The following DDX11 variants were observed in gnomAD, a reference collection of about 807,000 sequenced individuals.
The protein encoded by DDX11 is DEAD/H-box helicase 11.
Under a neutral mutation model 125.2 loss-of-function variants are expected in DDX11, and 72 were observed. That is an observed-to-expected ratio of 0.58 (90% CI 0.48 to 0.70). The LOEUF (loss-of-function observed/expected upper bound fraction) is 0.70, where lower values mean the gene tolerates loss of function less well. Ranked by LOEUF, DDX11 falls within the 30% of genes least tolerant of loss-of-function variation. The pLI is 0.00. For missense variants in DDX11, 883 were observed against 1,165.0 expected (o/e 0.76, Z 3.52); for synonymous variants, 347 against 452.6 (o/e 0.77, Z 2.96).
chr12:31,103,048 G>A, intron 24 of DDX11, 28 bp downstream of exon 24: 1 of 1,611,350 alleles, frequency 6.2e-7, no homozygotes, highest in Non-Finnish European at 8.5e-7. Context: ...CACAGAGGGT[G>A]ACAGGAGAGT....
rs1242544085 is a variant in DDX11, at chr12:31,103,379, C to T, written c.2520C>T (p.Ala840=). 10 of 1,609,680 alleles carry T rather than the reference C, an allele frequency of 6.2e-6. No homozygotes were observed. The highest frequency in any genetic ancestry group is 2.7e-5 in the African/African-American group (2 of 74,812). Residue 840 remains alanine (A), a synonymous_variant, in exon 25 of 27, where the codon GCC becomes GCT. Coordinates refer to ENST00000542838, the MANE Select transcript of DDX11 (RefSeq NM_030653.4). ...TGGTGGAGAACCTGTGCATGAAGGC[C>T]GTCAACCAGTCCATAGGTGAGCCTG... ...KALVENLCMK[A]VNQSIGRAIR...
rs201518849 is a variant in DDX11 at position 31,103,680 on chromosome 12, C to T, written c.2640C>T (p.Ala880=). ...VLAKLPAWIR[A]RVEVKATFGP... ...CCAAGCTGCCGGCCTGGATCCGAGC[C>T]CGTGTGGAGGTCAAAGCTACCTTTG... The change falls in exon 26 of 27, where the codon GCC becomes GCT. Residue 880 remains alanine (A), a synonymous_variant. Coordinates refer to ENST00000542838, the MANE Select transcript of DDX11 (RefSeq NM_030653.4). 2.4e-5 allele frequency: 38 copies of T among 1,613,896 alleles called. No homozygotes were observed. Among genetic ancestry groups the T allele is most frequent in the Non-Finnish European group, 1.0e-5 (12 of 1,180,030 alleles).
In DDX11 at chr12:31,102,251, G is replaced by C. The variant is rs377205294; in HGVS notation, c.2211G>C (p.Gln737His). The change falls in exon 22 of 27, where the codon CAG becomes CAC. Residue 737 changes from glutamine (Q) to histidine (H), a missense_variant. This residue lies in a region of DDX11 where 285 missense variants were observed against 346.0 expected (regional missense o/e 0.82). Transcript: ENST00000542838. ...GRLAARKKIF[Q>H]EPKSAHQVEQ... is the part of the protein sequence containing the mutation. ...TCCTCTGTCTTTCTCAGATATTCCA[G>C]GAACCTAAGAGCGCACACCAGGTGG... 6.8e-6 allele frequency: 11 copies of C among 1,613,884 alleles called. No individual in the cohort carries two copies. The highest frequency in any genetic ancestry group is 6.8e-6 in the Non-Finnish European group (8 of 1,179,860).
chr12:31,080,711 T>C (rs1045785956), intron 2 of DDX11, among the ~76,000 whole-genome samples: 2 of 152,170 alleles, frequency 1.3e-5, no homozygotes, highest in Admixed American at 1.3e-4. Context: ...TTAATTTTAG[T>C]GTGCTTTGGA....
chr12:31,082,138 A>G (rs1592602447), intron 2 of DDX11, among the ~76,000 whole-genome samples: 1 of 129,772 alleles, frequency 7.7e-6, no homozygotes, highest in East Asian at 2.8e-4. Flanking sequence ...CAACAATGTC[A>G]TTCTATCCTA....
At chr12:31,093,404 C>T (rs768308423) in intron 12 of DDX11, 80 bp downstream of exon 12, 5 of 1,574,788 alleles carry the variant, frequency 3.2e-6, no homozygotes, top group Admixed American at 1.8e-5. Flanking sequence ...CATCAGGACA[C>T]CTCAGTTCTC....
At chr12:31,082,436 T>G (rs1427510288) in intron 2 of DDX11, among the ~76,000 whole-genome samples, 11 of 151,510 alleles carry the variant, frequency 7.3e-5, no homozygotes, top group African/African-American at 2.2e-4. Flanking sequence ...GAGCTGCAGG[T>G]GGGGGAGACA....
Position 31,103,380 on chromosome 12 carries a change from G to A in DDX11, c.2521G>A (p.Val841Ile), listed in dbSNP as rs755347093. 2.9e-5 allele frequency: 46 copies of A among 1,609,210 alleles called. No homozygotes were observed. Among genetic ancestry groups the A allele is most frequent in the East Asian group, 1.3e-4 (6 of 44,776 alleles). The change falls in exon 25 of 27, where the codon GTC becomes ATC. Residue 841 changes from valine (V) to isoleucine (I), a missense_variant. By Grantham distance (29) the Val-to-Ile change is conservative. This residue lies in a region of DDX11 where 285 missense variants were observed against 346.0 expected (regional missense o/e 0.82). Transcript: ENST00000542838. ...ALVENLCMKAVNQSIGRAIRH... is the reference protein window; with the variant it reads ...ALVENLCMKAINQSIGRAIRH... ...GGTGGAGAACCTGTGCATGAAGGCC[G>A]TCAACCAGTCCATAGGTGAGCCTGG...
intron 24 of DDX11, 145 bp downstream of exon 24, chr12:31,103,165 C>T: frequency 2.3e-6 from 3 of 1,314,680 alleles, no homozygotes; most frequent in South Asian, 1.3e-5. Context: ...CCCTCCACAC[C>T]CTCTTGATCT....
chr12:31,091,806 G>C lies in DDX11; in HGVS notation c.1177G>C (p.Asp393His), dbSNP rs573826946. The change falls in exon 10 of 27, where the codon GAC becomes CAC. Residue 393 changes from aspartate to histidine, a missense_variant. Asp to His is a moderately conservative substitution (Grantham distance 81). Transcript: ENST00000542838. Reference sequence around the variant, plus strand: ...GCTGCAGGACCAGGTGGTGATCATCGACGAGGCGCACAACCTGATCGACAC... The same window carrying C: ...GCTGCAGGACCAGGTGGTGATCATCCACGAGGCGCACAACCTGATCGACAC... ...IRLQDQVVIIDEAHNLIDTIT... is the reference protein window; with the variant it reads ...IRLQDQVVIIHEAHNLIDTIT... 6.2e-7 allele frequency: 1 copy of C among 1,613,710 alleles called. No homozygotes were observed. The highest frequency in any genetic ancestry group is 8.5e-7 in the Non-Finnish European group (1 of 1,179,808).
At chr12:31,100,061 G>A (rs1461732614) in intron 18 of DDX11, among the ~76,000 whole-genome samples, 1 of 152,196 alleles carries the variant, frequency 6.6e-6, no homozygotes, top group African/African-American at 2.4e-5. Context: ...TGGATAGGCA[G>A]GCGCATGATT....
At chr12:31,096,116 G>T (rs1221168388) in intron 14 of DDX11, among the ~76,000 whole-genome samples, 1 of 151,992 alleles carries the variant, frequency 6.6e-6, no homozygotes, top group Non-Finnish European at 1.5e-5. Context: ...TGGAAAGAGG[G>T]TCTCCACCCT....
intron 14 of DDX11, among the ~76,000 whole-genome samples, chr12:31,095,988 TCTC>T (rs1295697947): frequency 4.0e-5 from 6 of 150,280 alleles, no homozygotes; most frequent in Non-Finnish European, 7.4e-5. Flanking sequence ...CCAGCCATCA[TCTC>T]CTCTGTGGCT....
chr12:31,088,271 TGGGGCCTGGGGAGACATCTCCTGGGTTC>T (rs1052594168), intron 6 of DDX11, among the ~76,000 whole-genome samples: 5 of 151,654 alleles, frequency 3.3e-5, no homozygotes, highest in Non-Finnish European at 5.9e-5. Context: ...CTCTTGAGTT[TGGGGCCTGGGGAGACATCTCCTGGGTTC>T]GGGGCCTGGG....
At chr12:31,102,342 G>A in intron 22 of DDX11, 31 bp downstream of exon 22, 1 of 1,612,346 alleles carries the variant, frequency 6.2e-7, no homozygotes, top group Non-Finnish European at 8.5e-7. Flanking sequence ...TTGGGTCTGA[G>A]ATCGTGTGGG....
intron 9 of DDX11, 80 bp from the exon 10 acceptor site, chr12:31,091,639 A>G (rs1226263137): frequency 4.8e-6 from 7 of 1,472,788 alleles, no homozygotes; most frequent in Non-Finnish European, 6.5e-6. Flanking sequence ...AAGCACTCAC[A>G]TCAGGAGCTC....
At chr12:31,091,986 G>A in intron 10 of DDX11, 115 bp downstream of exon 10, 5 of 1,475,138 alleles carry the variant, frequency 3.4e-6, no homozygotes, top group African/African-American at 1.4e-5. Flanking sequence ...GATAGAGGGT[G>A]CACGAGTCAA....
At position 31,102,455 on chromosome 12, in the gene DDX11, C is replaced by T; in HGVS notation, c.2300C>T (p.Thr767Ile). The part of the protein sequence containing the change: ...QACGQERGQV[T>I]GALLLSVVGG... Reference sequence around the variant, plus strand: ...TGTGGCCAGGAGAGAGGCCAGGTGACAGGGGCCCTGCTCCTCTCTGTGGTT... The same window carrying T: ...TGTGGCCAGGAGAGAGGCCAGGTGATAGGGGCCCTGCTCCTCTCTGTGGTT... Residue 767 changes from threonine to isoleucine, a missense_variant, in exon 23 of 27, where the codon ACA becomes ATA. Transcript: ENST00000542838. 1 of 1,614,076 alleles carries T rather than the reference C, an allele frequency of 6.2e-7. No individual in the cohort carries two copies. The highest frequency in any genetic ancestry group is 1.1e-5 in the South Asian group (1 of 91,056).
At position 31,100,717 on chromosome 12, in the gene DDX11, T is replaced by A; in HGVS notation, c.1948+10T>A. ...GTGGAGTTTTCCTGTGGTGAGAAGC[T>A]GTGCCCAGGGTGGGGCAGGCTAGAG... On this transcript the variant is annotated intron_variant, in intron 19 of 26. Coordinates refer to ENST00000542838, the MANE Select transcript of DDX11 (RefSeq NM_030653.4). 2 of 1,551,614 alleles carry A rather than the reference T, an allele frequency of 1.3e-6. No individual in the cohort carries two copies. The highest frequency in any genetic ancestry group is 1.7e-6 in the Non-Finnish European group (2 of 1,146,844).
Sources: gnomAD v4.1 joint callset for allele counts (sites outside exome capture counted in the v4.1 genomes callset) on GRCh38, gnomAD v4.1.1 for gene constraint, gnomAD v4.1.1 regional missense constraint, MANE v1.5 for transcripts, NCBI Gene and HGNC (gene_info 2026-07-23, HGNC 2026-07-21) for gene names.